The following EPHA6 variants were observed in gnomAD, a reference collection of about 807,000 sequenced individuals.
EPHA6 encodes the protein ephrin type-A receptor 6.
A neutral mutation model predicts 112.0 loss-of-function variants in EPHA6; 50 were observed. That is an observed-to-expected ratio of 0.45 (90% CI 0.36 to 0.56). EPHA6 has a LOEUF of 0.56. Among genes scored for constraint, EPHA6 ranks in the 20% least tolerant of loss-of-function variants. The pLI is 0.00. For synonymous variants in EPHA6, 529 were observed against 490.7 expected (o/e 1.08, Z -1.03); for missense variants, 1,280 against 1,417.4 (o/e 0.90, Z 1.56).
intron 5 of EPHA6, among the ~76,000 whole-genome samples, chr3:97,335,896 C>A (rs773163985): frequency 3.3e-5 from 5 of 151,932 alleles, no homozygotes; most frequent in African/African-American, 9.7e-5. Flanking sequence ...GAGATGAAAT[C>A]ATAGAGTGTT....
At chr3:96,829,229 G>C (rs1352155821) in intron 1 of EPHA6, among the ~76,000 whole-genome samples, 3 of 152,022 alleles carry the variant, frequency 2.0e-5, no homozygotes, top group Non-Finnish European at 4.4e-5. Context: ...GAGTAGAGGA[G>C]AATCATTCGT....
At chr3:96,925,054 G>A (rs916174520) in intron 2 of EPHA6, among the ~76,000 whole-genome samples, 1 of 152,012 alleles carries the variant, frequency 6.6e-6, no homozygotes, top group Non-Finnish European at 1.5e-5. Context: ...ATTTTACTGA[G>A]GATTTTTGCA....
At chr3:97,351,550 T>C (rs2083815723) in intron 5 of EPHA6, among the ~76,000 whole-genome samples, 1 of 152,174 alleles carries the variant, frequency 6.6e-6, no homozygotes, top group Non-Finnish European at 1.5e-5. Flanking sequence ...GGGAAATTAT[T>C]AATAGGAACA....
chr3:97,650,448 G>A (rs534472300), intron 14 of EPHA6, among the ~76,000 whole-genome samples: 1 of 152,084 alleles, frequency 6.6e-6, no homozygotes, highest in South Asian at 2.1e-4. Context: ...AACAGTTTGC[G>A]GTCATTACAG....
chr3:96,910,833 A>T (rs2039180380), intron 2 of EPHA6, among the ~76,000 whole-genome samples: 1 of 152,092 alleles, frequency 6.6e-6, no homozygotes, highest in African/African-American at 2.4e-5. Flanking sequence ...TCCCCATAAC[A>T]GTGTGGGTTC....
chr3:96,971,445 T>C (rs1386665390), intron 2 of EPHA6, among the ~76,000 whole-genome samples: 3 of 152,132 alleles, frequency 2.0e-5, no homozygotes, highest in African/African-American at 7.2e-5. Context: ...CTTCTTGTTT[T>C]ATTCTCCAAA....
chr3:96,862,041 T>TA (rs2036036937), intron 1 of EPHA6, among the ~76,000 whole-genome samples: 1 of 151,948 alleles, frequency 6.6e-6, no homozygotes, highest in Non-Finnish European at 1.5e-5. Context: ...TTCAGAAATA[T>TA]ACAGTGATGT....
chr3:96,828,286 G>A (rs2033797113), intron 1 of EPHA6, among the ~76,000 whole-genome samples: 1 of 152,098 alleles, frequency 6.6e-6, no homozygotes, highest in Non-Finnish European at 1.5e-5. Flanking sequence ...ATACTAAAAT[G>A]AGTTCCTAAT....
At chr3:97,363,238 A>ATATATATATAT (rs1250625301) in intron 5 of EPHA6, among the ~76,000 whole-genome samples, 1 of 72,268 alleles carries the variant, frequency 1.4e-5, no homozygotes, top group African/African-American at 8.3e-5. Flanking sequence ...ATATATATAT[A>ATATATATATAT]AATCTCAGAT....
intron 1 of EPHA6, among the ~76,000 whole-genome samples, chr3:96,841,717 CT>C (rs1184127623): frequency 9.0e-5 from 12 of 133,316 alleles, no homozygotes; most frequent in African/African-American, 4.6e-4. Context: ...GCATGTTGAA[CT>C]TTTGTCATTT....
intron 7 of EPHA6, among the ~76,000 whole-genome samples, chr3:97,451,855 C>G (rs897747193): frequency 6.6e-6 from 1 of 151,806 alleles, no homozygotes; most frequent in Non-Finnish European, 1.5e-5. Flanking sequence ...ATTAAGTTCT[C>G]TCTTGTGTAT....
At chr3:97,698,861 C>T (rs1013231425) in intron 14 of EPHA6, among the ~76,000 whole-genome samples, 5 of 152,148 alleles carry the variant, frequency 3.3e-5, no homozygotes, top group Admixed American at 6.5e-5. Flanking sequence ...AGTCCTCGCA[C>T]GGTGCCTGCC....
intron 7 of EPHA6, among the ~76,000 whole-genome samples, chr3:97,458,054 C>G (rs1336429549): frequency 9.3e-6 from 1 of 107,454 alleles, no homozygotes; most frequent in Admixed American, 1.5e-4. Context: ...GGCGACAGTG[C>G]GAGACTCCGT....
intron 2 of EPHA6, among the ~76,000 whole-genome samples, chr3:96,944,137 A>C (rs370456616): frequency 5.2e-4 from 79 of 152,246 alleles, no homozygotes; most frequent in African/African-American, 1.9e-3. Flanking sequence ...TCTCTCACAA[A>C]ACCATGCTAG....
chr3:97,175,518 C>T (rs2076812475), intron 3 of EPHA6, among the ~76,000 whole-genome samples: 1 of 151,806 alleles, frequency 6.6e-6, no homozygotes. Context: ...TTCTTCTAAC[C>T]CATGAACATG....
intron 14 of EPHA6, among the ~76,000 whole-genome samples, chr3:97,675,745 T>C (rs937422608): frequency 1.3e-5 from 2 of 152,190 alleles, no homozygotes; most frequent in Admixed American, 1.3e-4. Context: ...AATAATTACA[T>C]AGATAAATTG....
At chr3:97,637,468 C>A (rs1270064020) in intron 13 of EPHA6, among the ~76,000 whole-genome samples, 1 of 152,024 alleles carries the variant, frequency 6.6e-6, no homozygotes, top group African/African-American at 2.4e-5. Context: ...CTAGGTTTTG[C>A]TGCCCTTCTA....
At chr3:97,060,092 G>T (rs1000510419) in intron 3 of EPHA6, among the ~76,000 whole-genome samples, 1 of 152,178 alleles carries the variant, frequency 6.6e-6, no homozygotes, top group African/African-American at 2.4e-5. Context: ...TTGCACTCAA[G>T]CCTGGGTGAC....
chr3:97,533,719 C>T (rs1040197664), intron 11 of EPHA6, among the ~76,000 whole-genome samples: 2 of 152,040 alleles, frequency 1.3e-5, no homozygotes, highest in African/African-American at 4.8e-5. Context: ...CACACTCTTT[C>T]CTGGAACGAG....
Sources: allele counts gnomAD v4.1 joint callset (sites outside exome capture counted in the v4.1 genomes callset), GRCh38; gene constraint gnomAD v4.1.1; transcripts MANE v1.5; gene names NCBI Gene and HGNC (gene_info 2026-07-23, HGNC 2026-07-21).